Variants in MICU1 observed in about 807,000 individuals in gnomAD.
The protein encoded by MICU1 is mitochondrial calcium uptake 1.
MICU1 carries 45 observed loss-of-function variants against 56.8 expected under a neutral mutation model. That is an observed-to-expected ratio of 0.79 (90% confidence interval 0.62 to 1.02). MICU1 has a LOEUF of 1.02. Ranked by LOEUF, MICU1 falls within the 50% of genes least tolerant of loss-of-function variation. The probability of loss-of-function intolerance (pLI) is 0.00; values close to 1 mark genes in which losing one functional copy is unlikely to be tolerated. For missense variants in MICU1, 504 were observed against 587.1 expected, an observed-to-expected ratio of 0.86 and a Z score of 1.46; for synonymous variants, 186 against 195.1, an observed-to-expected ratio of 0.95 and a Z score of 0.39.
chr10:72,552,581 GT>G (rs1159765579), intron 3 of MICU1, among the ~76,000 whole-genome samples: 5 of 152,046 alleles, frequency 3.3e-5, no homozygotes, highest in African/African-American at 1.2e-4. Flanking sequence ...TTGAGATGGA[GT>G]TTTGTTCTTG....
intron 1 of MICU1, among the ~76,000 whole-genome samples, chr10:72,576,911 C>CA (rs925764121): frequency 1.3e-5 from 2 of 151,344 alleles, no homozygotes; most frequent in African/African-American, 4.9e-5. Context: ...TTTGCAATTG[C>CA]AAAAAAAATA....
intron 6 of MICU1, among the ~76,000 whole-genome samples, chr10:72,493,706 C>T (rs1478680101): frequency 2.6e-5 from 4 of 152,242 alleles, no homozygotes; most frequent in Non-Finnish European, 5.9e-5. Context: ...TTCTGCCCGC[C>T]TTGGTCTCCG....
intron 5 of MICU1, chr10:72,532,918 G>T: frequency 8.4e-7 from 1 of 1,195,088 alleles, no homozygotes; most frequent in Non-Finnish European, 1.1e-6. Context: ...AATAATGCAG[G>T]AATTGGCACA....
At chr10:72,548,000 G>A (rs1057429041) in intron 4 of MICU1, among the ~76,000 whole-genome samples, 1 of 152,174 alleles carries the variant, frequency 6.6e-6, no homozygotes, top group African/African-American at 2.4e-5. Context: ...TGGAGAAGAG[G>A]GTATCCACCA....
At chr10:72,553,027 C>A (rs752614529) in intron 3 of MICU1, among the ~76,000 whole-genome samples, 9 of 152,136 alleles carry the variant, frequency 5.9e-5, no homozygotes, top group African/African-American at 9.7e-5. Flanking sequence ...CCACATATGA[C>A]AGGAATTTTT....
At chr10:72,592,475 T>A (rs1180549383) in intron 1 of MICU1, among the ~76,000 whole-genome samples, 1 of 152,194 alleles carries the variant, frequency 6.6e-6, no homozygotes, top group Non-Finnish European at 1.5e-5. Flanking sequence ...CCTAACTCAT[T>A]CTTTGAGGCC....
At chr10:72,524,603 G>C in intron 5 of MICU1, 1 of 508,132 alleles carries the variant, frequency 2.0e-6, no homozygotes, top group Non-Finnish European at 3.1e-6. Flanking sequence ...AATTTAAAGT[G>C]ACAGGAACGA....
intron 10 of MICU1, among the ~76,000 whole-genome samples, chr10:72,396,787 C>T (rs1402911787): frequency 2.0e-5 from 3 of 152,062 alleles, no homozygotes; most frequent in Non-Finnish European, 2.9e-5. Context: ...GGACTATGTG[C>T]AAAGACCAAA....
chr10:72,517,185 T>C (rs1472490426), intron 5 of MICU1, among the ~76,000 whole-genome samples: 1 of 152,150 alleles, frequency 6.6e-6, no homozygotes, highest in Non-Finnish European at 1.5e-5. Flanking sequence ...AACTTTTAGA[T>C]TATTCTGTGC....
At chr10:72,480,222 T>A (rs1000387818) in intron 6 of MICU1, among the ~76,000 whole-genome samples, 7 of 152,162 alleles carry the variant, frequency 4.6e-5, no homozygotes, top group Admixed American at 1.3e-4. Flanking sequence ...TAGTTAGCTG[T>A]GATGAGTTGA....
intron 8 of MICU1, among the ~76,000 whole-genome samples, chr10:72,465,649 A>G (rs566628305): frequency 5.9e-4 from 90 of 151,286 alleles, no homozygotes; most frequent in Admixed American, 1.1e-3. Flanking sequence ...TACCAGCTGG[A>G]ATTACAGGTA....
chr10:72,508,282 T>A lies in MICU1; in HGVS notation c.538-13A>T. On this transcript the variant is annotated splice_polypyrimidine_tract_variant and intron_variant, in intron 5 of 11. Transcript: ENST00000361114. ...CCTGGGAAATTTTCTATAGAATGTA[T>A]GGGTCCCACCAAAAGACAAAAATAT... is the stretch of plus-strand genomic sequence containing the variant. 2 of 1,335,852 alleles carry A rather than the reference T, an allele frequency of 1.5e-6. No individual in the cohort carries two copies. The highest frequency in any genetic ancestry group is 2.1e-6 in the Non-Finnish European group (2 of 968,370). 82.7% of individuals were successfully genotyped at this position (1,335,852 alleles called of 1,614,324 possible).
chr10:72,416,846 CATTGCACTTGATA>C (rs149239717), intron 9 of MICU1, among the ~76,000 whole-genome samples: 1 of 152,172 alleles, frequency 6.6e-6, no homozygotes, highest in East Asian at 1.9e-4. Context: ...ACATATTTAT[CATTGCACTTGATA>C]AGCATTTACC....
At chr10:72,498,407 G>A (rs1290456171) in intron 6 of MICU1, among the ~76,000 whole-genome samples, 2 of 152,164 alleles carry the variant, frequency 1.3e-5, no homozygotes, top group African/African-American at 4.8e-5. Context: ...CCAACACGGT[G>A]AAACCCCGTC....
At chr10:72,440,085 T>C (rs1003712083) in intron 8 of MICU1, among the ~76,000 whole-genome samples, 1 of 152,194 alleles carries the variant, frequency 6.6e-6, no homozygotes, top group Non-Finnish European at 1.5e-5. Context: ...AGAGCCTGCA[T>C]AGCCGAGACA....
intron 4 of MICU1, among the ~76,000 whole-genome samples, chr10:72,542,431 G>C (rs1030981357): frequency 6.6e-6 from 1 of 152,212 alleles, no homozygotes; most frequent in Non-Finnish European, 1.5e-5. Flanking sequence ...CTCATGACAG[G>C]GGTGCCTTGT....
At chr10:72,466,144 A>G (rs1443606285) in intron 8 of MICU1, among the ~76,000 whole-genome samples, 2 of 152,174 alleles carry the variant, frequency 1.3e-5, no homozygotes, top group Non-Finnish European at 2.9e-5. Context: ...GGTTACTTAA[A>G]CACAAGCACT....
intron 5 of MICU1, chr10:72,524,646 T>C: frequency 3.5e-6 from 3 of 856,262 alleles, no homozygotes; most frequent in Non-Finnish European, 4.7e-6. Flanking sequence ...CAAGGACATA[T>C]GCATCATGCG....
intron 3 of MICU1, among the ~76,000 whole-genome samples, chr10:72,552,543 A>G (rs1374611135): frequency 6.6e-6 from 1 of 152,064 alleles, no homozygotes; most frequent in Non-Finnish European, 1.5e-5. Context: ...TTGATGTTTT[A>G]TTTTATTTTA....
Sources: allele counts gnomAD v4.1 joint callset (sites outside exome capture counted in the v4.1 genomes callset), GRCh38; gene constraint gnomAD v4.1.1; transcripts MANE v1.5; gene names NCBI Gene and HGNC (gene_info 2026-07-23, HGNC 2026-07-21).